EEF1E1: variants seen among roughly 807,000 people sequenced by gnomAD.
EEF1E1 encodes the protein eukaryotic translation elongation factor 1 epsilon-1.
A neutral mutation model predicts 19.9 loss-of-function variants in EEF1E1; 19 were observed. The observed-to-expected ratio is 0.95, with a 90% CI of 0.66 to 1.40. The LOEUF (loss-of-function observed/expected upper bound fraction) is 1.40. Among genes scored for constraint, EEF1E1 ranks in the 40% most tolerant of loss-of-function variants. The pLI is 0.00. For missense variants in EEF1E1, 198 were observed against 202.2 expected (o/e 0.98, Z 0.13); for synonymous variants, 81 against 80.0 (o/e 1.01, Z -0.07).
intron 3 of EEF1E1, among the ~76,000 whole-genome samples, chr6:8,087,131 G>A (rs1182948439): frequency 6.6e-6 from 1 of 152,188 alleles, no homozygotes; most frequent in Non-Finnish European, 1.5e-5. Context: ...ATGCAAGGAT[G>A]CTGGGTAGAA....
At chr6:8,086,289 C>T (rs1757852070) in intron 3 of EEF1E1, among the ~76,000 whole-genome samples, 1 of 152,168 alleles carries the variant, frequency 6.6e-6, no homozygotes, top group South Asian at 2.1e-4. Flanking sequence ...GAGGGAACTG[C>T]ATTCCATTCT....
intron 3 of EEF1E1, among the ~76,000 whole-genome samples, chr6:8,087,809 T>C (rs202126355): frequency 3.8e-5 from 3 of 79,612 alleles, no homozygotes; most frequent in Non-Finnish European, 8.8e-5. Context: ...AAAAGACACA[T>C]GTGAGAGGCA....
intron 2 of EEF1E1, among the ~76,000 whole-genome samples, chr6:8,093,787 A>T (rs938590199): frequency 6.8e-6 from 1 of 147,688 alleles, no homozygotes; most frequent in Non-Finnish European, 1.5e-5. Context: ...TAATTGTATT[A>T]AAAAAAAAAG....
intron 2 of EEF1E1, among the ~76,000 whole-genome samples, chr6:8,095,143 G>A (rs528645656): frequency 6.6e-6 from 1 of 152,146 alleles, no homozygotes. Context: ...TTATTAAAAG[G>A]AGAGTGTAAG....
rs1476201328 is a variant in EEF1E1 at position 8,079,765 on chromosome 6, A to C, written c.*125T>G. The C allele has an allele frequency of 5.9e-6, 8 of 1,347,532 alleles. No individual in the cohort carries two copies. The highest frequency in any genetic ancestry group is 7.7e-6 in the Non-Finnish European group (8 of 1,045,398). The allele number at this position is 1,347,532 out of a possible 1,614,324, so 83.5% of individuals were successfully genotyped here. Reference sequence around the variant, plus strand: ...ACATTCAGACACAAGTTTACACTTCAAAAATTCTATCAACTTCAACAAATA... The same window carrying C: ...ACATTCAGACACAAGTTTACACTTCCAAAATTCTATCAACTTCAACAAATA... On this transcript the variant is annotated 3_prime_UTR_variant, in exon 4 of 4. Coordinates refer to ENST00000379715, the MANE Select transcript of EEF1E1 (RefSeq NM_004280.5).
downstream of EEF1E1, among the ~76,000 whole-genome samples, chr6:8,076,971 C>T (rs1479531367): frequency 9.5e-6 from 1 of 105,762 alleles, no homozygotes; most frequent in Non-Finnish European, 1.9e-5. Context: ...GAGATGGAGT[C>T]TCGCGCTGTC....
chr6:8,075,497 G>T (rs9502679), downstream of EEF1E1, among the ~76,000 whole-genome samples: 6,035 of 152,266 alleles, frequency 0.04, 380 homozygotes, highest in African/African-American at 0.14. Flanking sequence ...TACTCTACTG[G>T]AGTCTATTCG....
intron 3 of EEF1E1, among the ~76,000 whole-genome samples, chr6:8,074,143 A>C (rs550869546): frequency 9.2e-5 from 14 of 152,324 alleles, no homozygotes; most frequent in African/African-American, 3.4e-4. Context: ...ACTGGACCAT[A>C]CGTTGAACTT....
chr6:8,097,102 G>C (rs1046302886), intron 2 of EEF1E1, among the ~76,000 whole-genome samples, 165 bp downstream of exon 2: 6 of 152,192 alleles, frequency 3.9e-5, no homozygotes, highest in Non-Finnish European at 5.9e-5. Flanking sequence ...AGGGGCTGGT[G>C]GGGGGAACAG....
rs147672833 is a variant in EEF1E1 at position 8,089,609 on chromosome 6, T to C, written c.384+577A>G. Among the ~76,000 whole-genome samples the C allele has an allele frequency of 1.8e-3, 271 of 152,264 alleles. 3 individuals are homozygous for C. The highest frequency in any genetic ancestry group is 6.3e-3 in the African/African-American group (260 of 41,536). On this transcript the variant is annotated intron_variant, in intron 3 of 3. Coordinates refer to ENST00000379715, the MANE Select transcript of EEF1E1 (RefSeq NM_004280.5). ...CAGATGGTGCCCACCCAGATTAAGGTTGGGTCTGCCTTCCCCAGCCCACTG... is the reference window on the plus strand; with the variant it reads ...CAGATGGTGCCCACCCAGATTAAGGCTGGGTCTGCCTTCCCCAGCCCACTG...
intron 1 of EEF1E1, among the ~76,000 whole-genome samples, chr6:8,099,791 C>CACACACACACACACACACAA (rs768224090): frequency 1.7e-5 from 2 of 114,628 alleles, no homozygotes; most frequent in African/African-American, 6.6e-5. Context: ...CACACACACA[C>CACACACACACACACACACAA]AAAAAAAAAA....
chr6:8,083,216 G>A (rs1224201254), intron 3 of EEF1E1, among the ~76,000 whole-genome samples: 1 of 152,168 alleles, frequency 6.6e-6, no homozygotes, highest in African/African-American at 2.4e-5. Context: ...GAACCGTTCC[G>A]GATCAGGGTG....
chr6:8,099,307 T>C (rs1234619412), intron 1 of EEF1E1, among the ~76,000 whole-genome samples: 1 of 152,248 alleles, frequency 6.6e-6, no homozygotes, highest in Non-Finnish European at 1.5e-5. Context: ...TTTCAGTATA[T>C]TGAGATGCAT....
chr6:8,097,512 A>C, intron 1 of EEF1E1, 45 bp from the exon 2 acceptor site: 1 of 1,510,998 alleles, frequency 6.6e-7, no homozygotes. Flanking sequence ...AACAAGGACC[A>C]CATCATGATT....
intron 3 of EEF1E1, chr6:8,073,609 T>G: frequency 6.9e-7 from 1 of 1,455,650 alleles, no homozygotes; most frequent in Non-Finnish European, 9.2e-7. Flanking sequence ...ATTATTGTTG[T>G]TATTAAAAGT....
At chr6:8,097,863 C>T (rs1485996680) in intron 1 of EEF1E1, among the ~76,000 whole-genome samples, 2 of 152,124 alleles carry the variant, frequency 1.3e-5, no homozygotes, top group Non-Finnish European at 2.9e-5. Flanking sequence ...CTTCATGTTT[C>T]CCCTATTACG....
chr6:8,102,207 A>T, intron 1 of EEF1E1: 1 of 682,452 alleles, frequency 1.5e-6, no homozygotes. Flanking sequence ...CCAGGAGGTG[A>T]AGTTCAGGCC....
chr6:8,088,444 C>A (rs1266398713), intron 3 of EEF1E1, among the ~76,000 whole-genome samples: 1 of 152,120 alleles, frequency 6.6e-6, no homozygotes, highest in East Asian at 1.9e-4. Context: ...GTAATTGAAT[C>A]ATGGGGGTAG....
chr6:8,076,254 C>A (rs1458974918), downstream of EEF1E1, among the ~76,000 whole-genome samples: 1 of 151,962 alleles, frequency 6.6e-6, no homozygotes, highest in Non-Finnish European at 1.5e-5. Context: ...TTTACTTTGC[C>A]TACTCCATCA....
Sources: allele counts gnomAD v4.1 joint callset (sites outside exome capture counted in the v4.1 genomes callset), GRCh38; gene constraint gnomAD v4.1.1; transcripts MANE v1.5; gene names NCBI Gene and HGNC (gene_info 2026-07-23, HGNC 2026-07-21).